The following TASOR variants were observed in gnomAD, a reference collection of about 807,000 sequenced individuals.
TASOR encodes the protein protein TASOR.
A neutral mutation model predicts 178.6 loss-of-function variants in TASOR; 53 were observed. The ratio of observed to expected loss-of-function variants is 0.30; its 90% CI spans 0.24 to 0.37. TASOR has a LOEUF of 0.37. Ranked by LOEUF, TASOR falls within the 10% of genes least tolerant of loss-of-function variation. The pLI, the probability that TASOR is intolerant of heterozygous loss-of-function variation, is 1.00. For synonymous variants in TASOR, 713 were observed against 696.2 expected, an observed-to-expected ratio of 1.02 and a Z score of -0.38; for missense variants, 1,815 against 1,971.4, an observed-to-expected ratio of 0.92 and a Z score of 1.50.
Position 56,682,920 on chromosome 3 carries a change from C to T in TASOR, c.87G>A (p.Gln29=). 2 of 1,539,428 alleles carry T rather than the reference C, an allele frequency of 1.3e-6. No homozygotes were observed. Among genetic ancestry groups the T allele is most frequent in the Non-Finnish European group, 1.8e-6 (2 of 1,137,728 alleles). ...SGGGGDDEMK[Q]ALPELESSQQ... is the part of the protein sequence containing the mutation. The stretch of plus-strand genomic sequence containing the variant: ...GGGAGGACTCAAGCTCCGGAAGCGC[C>T]TGCTTCATCTCGTCGTCTCCGCCGC... Residue 29 remains glutamine, a synonymous_variant, in exon 1 of 24, where the codon CAG becomes CAA. Coordinates refer to ENST00000683822, the MANE Select transcript of TASOR (RefSeq NM_001365635.2).
At chr3:56,641,775 T>C (rs763519083) in intron 14 of TASOR, 23 bp from the exon 15 acceptor site, 3 of 1,571,122 alleles carry the variant, frequency 1.9e-6, no homozygotes, top group Non-Finnish European at 2.6e-6. Context: ...AAGTCATTGG[T>C]TGAAGTTAAG....
chr3:56,651,166 T>C (rs902952434), intron 11 of TASOR, among the ~76,000 whole-genome samples: 4 of 152,038 alleles, frequency 2.6e-5, no homozygotes, highest in African/African-American at 9.7e-5. Flanking sequence ...TCAGCAGTTA[T>C]ATCTGTGGCT....
At position 56,622,622 on chromosome 3, in the gene TASOR, G is replaced by GACTT. The variant is rs2076712503; in HGVS notation, c.*411_*414dup. 6.5e-6 allele frequency: 1 copy of GACTT among 153,256 alleles called. No homozygotes were observed. Among genetic ancestry groups the GACTT allele is most frequent in the African/African-American group, 2.4e-5 (1 of 41,440 alleles). The allele number at this position is 153,256 out of a possible 1,614,324, so 9.5% of individuals were successfully genotyped here. A position where few individuals can be genotyped will look rare whatever the true frequency, so the allele number is the denominator to read the frequency against. On this transcript the variant is annotated 3_prime_UTR_variant, in exon 24 of 24. Transcript: ENST00000683822. Reference sequence around the variant, plus strand: ...TGTAAATATTAACACTGCTATTACTGACTTATACCTGTGTAAACACAGTAT... The same window carrying GACTT: ...TGTAAATATTAACACTGCTATTACTGACTTACTTATACCTGTGTAAACACAGTAT...
chr3:56,642,680 A>G (rs566356401), intron 14 of TASOR, among the ~76,000 whole-genome samples: 4 of 152,310 alleles, frequency 2.6e-5, no homozygotes, highest in African/African-American at 9.6e-5. Flanking sequence ...AAAGCAACAT[A>G]TAAAAATGTT....
intron 1 of TASOR, among the ~76,000 whole-genome samples, chr3:56,682,055 G>C (rs2031839673): frequency 1.3e-5 from 2 of 152,174 alleles, no homozygotes; most frequent in African/African-American, 2.4e-5. Context: ...AATTTAAAGA[G>C]AGAAAAACCT....
intron 17 of TASOR, among the ~76,000 whole-genome samples, 177 bp downstream of exon 17, chr3:56,638,529 G>A (rs2077061434): frequency 6.6e-6 from 1 of 152,100 alleles, no homozygotes; most frequent in Non-Finnish European, 1.5e-5. Context: ...ACTCTTTATA[G>A]TAAGAATAGT....
In TASOR at chr3:56,646,930, G is replaced by A. The variant is rs747532223; in HGVS notation, c.1807C>T (p.His603Tyr). 6.2e-7 allele frequency: 1 copy of A among 1,612,128 alleles called. No individual in the cohort carries two copies. Among genetic ancestry groups the A allele is most frequent in the South Asian group, 1.1e-5 (1 of 90,150 alleles). The change falls in exon 14 of 24, where the codon CAT becomes TAT. Residue 603 changes from histidine (H) to tyrosine (Y), a missense_variant. Coordinates refer to ENST00000683822, the MANE Select transcript of TASOR (RefSeq NM_001365635.2). ...RNKSHIDTCL[H>Y]AYIFRPEVYQ... ...ACTTCAGGCCGAAAAATATAGGCAT[G>A]CAAACAAGTATCAATATGGGATTTA...
At position 56,633,922 on chromosome 3, in the gene TASOR, C is replaced by A; in HGVS notation, c.2869G>T (p.Glu957Ter). ...ACCCGGGGGTCGTTAGGAAAGGCCT[C>A]CTGTGGTGGCACACACACCAGTTGT... ...EEQLVCVPPQ[E>*]AFPNDPRVIN... The change falls in exon 18 of 24, where the codon GAG becomes TAG. Residue 957 changes from glutamate to a stop codon, truncating the protein, a stop_gained. Coordinates refer to ENST00000683822, the MANE Select transcript of TASOR (RefSeq NM_001365635.2). LOFTEE classifies it high-confidence loss of function. 1 of 1,559,692 alleles carries A rather than the reference C, an allele frequency of 6.4e-7. No individual in the cohort carries two copies. The highest frequency in any genetic ancestry group is 8.7e-7 in the Non-Finnish European group (1 of 1,151,242).
Position 56,640,032 on chromosome 3 carries a change from A to G in TASOR, c.2718T>C (p.Asn906=), listed in dbSNP as rs778007267. 6.2e-7 allele frequency: 1 copy of G among 1,613,042 alleles called. No individual in the cohort carries two copies. Among genetic ancestry groups the G allele is most frequent in the Admixed American group, 1.7e-5 (1 of 59,880 alleles). The change falls in exon 16 of 24, where the codon AAT becomes AAC. Residue 906 remains asparagine (N), a synonymous_variant. Coordinates refer to ENST00000683822, the MANE Select transcript of TASOR (RefSeq NM_001365635.2). ...AATGTATTTCAGTCTCTTCAACATTATTTGACTTAGACTGTTGTCTACGAA... is the reference window on the plus strand; with the variant it reads ...AATGTATTTCAGTCTCTTCAACATTGTTTGACTTAGACTGTTGTCTACGAA... ...HGFRRQQSKS[N]NVEETEIHWK...
At chr3:56,630,935 G>A (rs13060563) in intron 18 of TASOR, among the ~76,000 whole-genome samples, 1 of 114,918 alleles carries the variant, frequency 8.7e-6, no homozygotes, top group Non-Finnish European at 1.8e-5. Flanking sequence ...GGTGGGGGGT[G>A]CGGGGATGGA....
chr3:56,661,081 C>A, intron 9 of TASOR, 64 bp from the exon 10 acceptor site: 2 of 1,033,204 alleles, frequency 1.9e-6, no homozygotes, highest in African/African-American at 1.6e-5. Flanking sequence ...AATCTTAACA[C>A]ATACACAAAA....
chr3:56,621,540 C>T lies in TASOR; in HGVS notation c.*1497G>A. 3.1e-6 allele frequency: 5 copies of T among 1,590,456 alleles called. No homozygotes were observed. Among genetic ancestry groups the T allele is most frequent in the Non-Finnish European group, 3.4e-6 (4 of 1,168,674 alleles). Reference sequence around the variant, plus strand: ...TATCAATGTGATTTCAGGGCCTTCTCCAGAAGCAAAAGGAGTTGGAAAGTA... The same window carrying T: ...TATCAATGTGATTTCAGGGCCTTCTTCAGAAGCAAAAGGAGTTGGAAAGTA... On this transcript the variant is annotated 3_prime_UTR_variant, in exon 24 of 24. Transcript: ENST00000683822.
rs987540874 is a variant in TASOR, at chr3:56,620,834, G to GT, written c.*2202dup. The GT allele has an allele frequency of 1.6e-4, 25 of 152,208 alleles. No homozygotes were observed. The highest frequency in any genetic ancestry group is 5.8e-4 in the African/African-American group (24 of 41,426). 9.4% of individuals were successfully genotyped at this position (152,208 alleles called of 1,614,324 possible). On this transcript the variant is annotated 3_prime_UTR_variant, in exon 24 of 24. Transcript: ENST00000683822. Reference sequence around the variant, plus strand: ...CAGGACCCTTCTGTTAGCATCTAAGGTAAGGTTAGGACAGTCAAGATAAAA... The same window carrying GT: ...CAGGACCCTTCTGTTAGCATCTAAGGTTAAGGTTAGGACAGTCAAGATAAAA...
chr3:56,673,564 A>T lies in TASOR; in HGVS notation c.477+16T>A. The T allele has an allele frequency of 6.5e-7, 1 of 1,528,218 alleles. No homozygotes were observed. The highest frequency in any genetic ancestry group is 8.8e-7 in the Non-Finnish European group (1 of 1,138,078). 94.7% of individuals were successfully genotyped at this position (1,528,218 alleles called of 1,614,324 possible). ...TTCTGAAAACAATCTTACAGTAAGTATAATTTAAAACATACCTCCTTTTCC... is the reference window on the plus strand; with the variant it reads ...TTCTGAAAACAATCTTACAGTAAGTTTAATTTAAAACATACCTCCTTTTCC... On this transcript the variant is annotated intron_variant, in intron 2 of 23. Coordinates refer to ENST00000683822, the MANE Select transcript of TASOR (RefSeq NM_001365635.2).
Position 56,624,596 on chromosome 3 carries a change from C to G in TASOR, c.4366G>C (p.Val1456Leu). Residue 1456 changes from valine (V) to leucine (L), a missense_variant, in exon 23 of 24, where the codon GTT becomes CTT. Physicochemically the swap from Val to Leu is conservative, Grantham distance 32. This residue lies in a region of TASOR where 278 missense variants were observed against 257.1 expected (regional missense o/e 1.08). Transcript: ENST00000683822. ...TGCATGAAGTCTTCAGCAGTTGCAA[C>G]CACTATTCCATTATCTGTATAACTG... ...LSSYTDNGIVVATAEDFMQNF... is the reference protein window; with the variant it reads ...LSSYTDNGIVLATAEDFMQNF... The G allele has an allele frequency of 6.2e-7, 1 of 1,614,056 alleles. No homozygotes were observed. The highest frequency in any genetic ancestry group is 1.1e-5 in the South Asian group (1 of 91,070).
chr3:56,678,100 A>T (rs550646854), intron 1 of TASOR, among the ~76,000 whole-genome samples: 1 of 152,032 alleles, frequency 6.6e-6, no homozygotes, highest in South Asian at 2.1e-4. Flanking sequence ...TTTCAACTGG[A>T]ATTCAAATTT....
In TASOR at chr3:56,621,481, C is replaced by T. The variant is rs777817867; in HGVS notation, c.*1556G>A. On this transcript the variant is annotated 3_prime_UTR_variant, in exon 24 of 24. Coordinates refer to ENST00000683822, the MANE Select transcript of TASOR (RefSeq NM_001365635.2). ...ATAATTCTAGTTTAACACAACATTG[C>T]AAGTCAGGTGTGCACATTTTACTAA... 1 of 1,132,886 alleles carries T rather than the reference C, an allele frequency of 8.8e-7. No homozygotes were observed. Among genetic ancestry groups the T allele is most frequent in the South Asian group, 1.5e-5 (1 of 66,378 alleles). The allele number at this position is 1,132,886 out of a possible 1,614,324, so 70.2% of individuals were successfully genotyped here. A position where few individuals can be genotyped will look rare whatever the true frequency, so the allele number is the denominator to read the frequency against.
At chr3:56,623,904 T>G in intron 23 of TASOR, 1 of 1,387,706 alleles carries the variant, frequency 7.2e-7, no homozygotes, top group Non-Finnish European at 9.9e-7. Flanking sequence ...TTTTTTGACA[T>G]CTAGCTTCAC....
At chr3:56,673,034 C>T (rs1207887127) in intron 2 of TASOR, among the ~76,000 whole-genome samples, 1 of 152,150 alleles carries the variant, frequency 6.6e-6, no homozygotes, top group Non-Finnish European at 1.5e-5. Flanking sequence ...TGGTCTCAAA[C>T]CCCTGGCCTC....
Sources: gnomAD v4.1 joint callset for allele counts (sites outside exome capture counted in the v4.1 genomes callset) on GRCh38, gnomAD v4.1.1 for gene constraint, gnomAD v4.1.1 regional missense constraint, MANE v1.5 for transcripts, NCBI Gene and HGNC (gene_info 2026-07-23, HGNC 2026-07-21) for gene names.